The following SIRPG variants were observed in gnomAD, a reference collection of about 807,000 sequenced individuals.
The protein encoded by SIRPG is signal regulatory protein gamma, also known as signal-regulatory protein gamma.
In SIRPG, 38 loss-of-function variants were observed where a neutral mutation model predicts 35.7. That is an observed-to-expected ratio of 1.06 (90% CI 0.82 to 1.40). The LOEUF (loss-of-function observed/expected upper bound fraction) is 1.40, where lower values mean the gene tolerates loss of function less well. Among genes scored for constraint, SIRPG ranks in the 40% most tolerant of loss-of-function variants. The pLI is 0.00. For synonymous variants in SIRPG, 215 were observed against 190.4 expected, an observed-to-expected ratio of 1.13 and a Z score of -1.06; for missense variants, 519 against 483.0, an observed-to-expected ratio of 1.07 and a Z score of -0.70.
chr20:1,654,507 T>C (rs1393535503), intron 1 of SIRPG, among the ~76,000 whole-genome samples: 3 of 152,192 alleles, frequency 2.0e-5, no homozygotes, highest in Non-Finnish European at 1.5e-5. Context: ...GGGAATGAAA[T>C]TAGGCCTTCT....
the SIRPG span, among the ~76,000 whole-genome samples, chr20:1,684,981 A>G: frequency 6.6e-6 from 1 of 152,214 alleles, no homozygotes; most frequent in Non-Finnish European, 1.5e-5. Context: ...AAGAAAGATA[A>G]TTTGAAAAGT....
At chr20:1,632,839 C>G (rs2091762347) in intron 4 of SIRPG, among the ~76,000 whole-genome samples, 1 of 151,560 alleles carries the variant, frequency 6.6e-6, no homozygotes, top group South Asian at 2.1e-4. Flanking sequence ...CTTCAAGAAA[C>G]TAGAAAAAGT....
At chr20:1,675,427 C>T in the SIRPG span, among the ~76,000 whole-genome samples, 1 of 152,210 alleles carries the variant, frequency 6.6e-6, no homozygotes, top group African/African-American at 2.4e-5. Context: ...GCCCCTCCTA[C>T]CCCTACAGGA....
upstream of SIRPG, among the ~76,000 whole-genome samples, chr20:1,661,565 G>T (rs561717903): frequency 2.0e-5 from 3 of 152,308 alleles, no homozygotes; most frequent in East Asian, 1.9e-4. Context: ...GTCCAGATGG[G>T]CTGGGAGACA....
the SIRPG span, among the ~76,000 whole-genome samples, chr20:1,673,604 C>T: frequency 6.6e-6 from 1 of 151,756 alleles, no homozygotes; most frequent in African/African-American, 2.4e-5. Context: ...CTGCTCCCTG[C>T]GGCTCATGAC....
In SIRPG at chr20:1,636,484, A is replaced by G. The variant is rs2091803804; in HGVS notation, c.452T>C (p.Val151Ala). ...ALGAKPSAPV[V>A]LGPAARTTPE... ...TGTGGTCCTCGCCGCAGGGCCCAAT[A>G]CCACGGGGGCAGAGGGTTTGGCTAC... Residue 151 changes from valine to alanine, a missense_variant, in exon 3 of 6, where the codon GTA becomes GCA. Val to Ala is a moderately conservative substitution (Grantham distance 64). Transcript: ENST00000303415. 6.2e-7 allele frequency: 1 copy of G among 1,614,168 alleles called. No homozygotes were observed. Among genetic ancestry groups the G allele is most frequent in the East Asian group, 2.2e-5 (1 of 44,870 alleles).
Position 1,649,392 on chromosome 20 carries a change from C to T in SIRPG, c.90G>A (p.Glu30=), listed in dbSNP as rs201954358. 2 of 1,604,942 alleles carry T rather than the reference C, an allele frequency of 1.2e-6. No individual in the cohort carries two copies. The highest frequency in any genetic ancestry group is 1.3e-5 in the African/African-American group (1 of 74,796). ...LLGLTEVAGE[E]ELQMIQPEKL... Reference sequence around the variant, plus strand: ...TCTCAGGCTGAATCATCTGTAGCTCCTCCTCACCTGCCACTTCTGAAAAGG... The same window carrying T: ...TCTCAGGCTGAATCATCTGTAGCTCTTCCTCACCTGCCACTTCTGAAAAGG... Residue 30 remains glutamate (E), a synonymous_variant, in exon 2 of 6, where the codon GAG becomes GAA. Transcript: ENST00000303415.
At chr20:1,645,501 C>G (rs1327483961) in intron 2 of SIRPG, among the ~76,000 whole-genome samples, 1 of 152,196 alleles carries the variant, frequency 6.6e-6, no homozygotes, top group Non-Finnish European at 1.5e-5. Flanking sequence ...ATCCTTGAGG[C>G]CTGGAGGAGC....
At chr20:1,680,364 CA>C in the SIRPG span, among the ~76,000 whole-genome samples, 1 of 152,190 alleles carries the variant, frequency 6.6e-6, no homozygotes, top group Non-Finnish European at 1.5e-5. Context: ...TACAGTTCTA[CA>C]AGGCATACTT....
intron 2 of SIRPG, among the ~76,000 whole-genome samples, chr20:1,645,404 T>G (rs1222466782): frequency 6.6e-6 from 1 of 152,156 alleles, no homozygotes; most frequent in Non-Finnish European, 1.5e-5. Flanking sequence ...GGGTCCAGGT[T>G]TGTAAACATT....
the SIRPG span, among the ~76,000 whole-genome samples, chr20:1,669,024 T>C: frequency 1.3e-5 from 2 of 152,218 alleles, no homozygotes; most frequent in Non-Finnish European, 2.9e-5. Flanking sequence ...AAAAGTCTTC[T>C]GGAGCAGAGA....
intron 3 of SIRPG, 115 bp downstream of exon 3, chr20:1,636,073 A>G (rs1243840719): frequency 4.8e-6 from 7 of 1,444,024 alleles, no homozygotes; most frequent in African/African-American, 1.4e-5. Context: ...GCGGGCGGGC[A>G]GTATAGTCAG....
At position 1,636,181 on chromosome 20, in the gene SIRPG, C is replaced by T; in HGVS notation, c.748+7G>A. The T allele has an allele frequency of 3.7e-6, 6 of 1,613,932 alleles. No individual in the cohort carries two copies. Among genetic ancestry groups the T allele is most frequent in the Middle Eastern group, 1.6e-4 (1 of 6,062 alleles). The stretch of plus-strand genomic sequence containing the variant: ...GTGGGCTTGGGCTGGGTGTGAGGGT[C>T]CTCTACCTCGGATGGCCTCAGACAA... On this transcript the variant is annotated splice_region_variant and intron_variant, in intron 3 of 5. Coordinates refer to ENST00000303415, the MANE Select transcript of SIRPG (RefSeq NM_018556.4).
intron 4 of SIRPG, among the ~76,000 whole-genome samples, chr20:1,632,527 G>A (rs915229754): frequency 1.3e-5 from 2 of 152,148 alleles, no homozygotes; most frequent in African/African-American, 4.8e-5. Flanking sequence ...GCCAGCCCTG[G>A]TCCTGGTCCA....
chr20:1,654,690 C>T (rs1239843231), intron 1 of SIRPG, among the ~76,000 whole-genome samples: 4 of 152,056 alleles, frequency 2.6e-5, no homozygotes, highest in Non-Finnish European at 5.9e-5. Flanking sequence ...AAGGCATTAA[C>T]AACAAACTAA....
Position 1,648,700 on chromosome 20 carries a change from G to A in SIRPG, c.430+352C>T, listed in dbSNP as rs552694198. Reference sequence around the variant, plus strand: ...TACTTGGCCAGCCTGAGAGAGAAGCGCTCTTTGGAGGCAGAAGGTGAGTTC... The same window carrying A: ...TACTTGGCCAGCCTGAGAGAGAAGCACTCTTTGGAGGCAGAAGGTGAGTTC... On this transcript the variant is annotated intron_variant, in intron 2 of 5. Transcript: ENST00000303415. 1.8e-4 allele frequency among the ~76,000 whole-genome samples: 27 copies of A among 152,076 alleles called. No individual in the cohort carries two copies. The South Asian group carries it at 4.8e-3, about 27-fold the overall frequency.
intron 1 of SIRPG, among the ~76,000 whole-genome samples, chr20:1,653,979 C>T (rs566779687): frequency 2.0e-5 from 3 of 152,274 alleles, no homozygotes; most frequent in East Asian, 1.9e-4. Flanking sequence ...GTGGCTCATG[C>T]CTGTAATCCC....
the SIRPG span, among the ~76,000 whole-genome samples, chr20:1,674,280 C>A: frequency 1.3e-5 from 2 of 151,974 alleles, no homozygotes; most frequent in East Asian, 3.9e-4. Context: ...GCCACCAGAC[C>A]CCACCCCAAA....
At chr20:1,660,400 C>T (rs904818630), upstream of SIRPG, among the ~76,000 whole-genome samples, 2 of 152,048 alleles carry the variant, frequency 1.3e-5, no homozygotes, top group Non-Finnish European at 2.9e-5. Flanking sequence ...ATATCTTTTC[C>T]TATTGCTCTA....
Sources: allele counts gnomAD v4.1 joint callset (sites outside exome capture counted in the v4.1 genomes callset), GRCh38; gene constraint gnomAD v4.1.1; transcripts MANE v1.5; gene names NCBI Gene and HGNC (gene_info 2026-07-23, HGNC 2026-07-21).